The following ERC1 variants were observed in gnomAD, a reference collection of about 807,000 sequenced individuals.
ERC1 encodes ELKS/RAB6-interacting/CAST family member 1.
In ERC1, 56 loss-of-function variants were observed where a neutral mutation model predicts 132.0. The observed-to-expected ratio is 0.42, with a 90% CI of 0.34 to 0.53. The LOEUF is 0.53. Among genes scored for constraint, ERC1 ranks in the 20% least tolerant of loss-of-function variants. The pLI is 0.03. For missense variants in ERC1, 1,202 were observed against 1,349.9 expected (o/e 0.89, Z 1.72); for synonymous variants, 478 against 476.1 (o/e 1.00, Z -0.05).
intron 14 of ERC1, among the ~76,000 whole-genome samples, chr12:1,289,025 G>A (rs1203354829): frequency 7.8e-6 from 1 of 128,578 alleles, no homozygotes; most frequent in Non-Finnish European, 1.6e-5. Context: ...TGCTGTCAAG[G>A]CTTTTTTTTT....
chr12:1,414,205 C>G (rs1488291563), intron 17 of ERC1, among the ~76,000 whole-genome samples: 1 of 152,204 alleles, frequency 6.6e-6, no homozygotes, highest in South Asian at 2.1e-4. Context: ...GGGTTGGAGA[C>G]CCCTGGCTTA....
intron 16 of ERC1, among the ~76,000 whole-genome samples, chr12:1,375,661 G>C (rs116202408): frequency 6.6e-6 from 1 of 151,468 alleles, no homozygotes; most frequent in African/African-American, 2.4e-5. Context: ...CCTGTTCGTG[G>C]TCAGAACTGT....
At chr12:1,073,840 A>G (rs1413755090) in intron 2 of ERC1, among the ~76,000 whole-genome samples, 2 of 150,822 alleles carry the variant, frequency 1.3e-5, no homozygotes, top group Non-Finnish European at 3.0e-5. Flanking sequence ...TTACAACATT[A>G]TGATGGCTAT....
At chr12:1,452,536 A>G (rs1202011180) in intron 18 of ERC1, among the ~76,000 whole-genome samples, 3 of 151,998 alleles carry the variant, frequency 2.0e-5, no homozygotes, top group Non-Finnish European at 4.4e-5. Flanking sequence ...TCTTCTGCCC[A>G]CTTCTCTCTT....
chr12:1,444,520 T>C, intron 17 of ERC1, 42 bp from the exon 18 acceptor site: 1 of 1,433,776 alleles, frequency 7.0e-7, no homozygotes, highest in African/African-American at 1.4e-5. Context: ...TGACCTTGAC[T>C]TTCCTCATTT....
chr12:1,071,758 A>G (rs1335668600), intron 2 of ERC1, among the ~76,000 whole-genome samples: 3 of 152,196 alleles, frequency 2.0e-5, no homozygotes, highest in African/African-American at 7.2e-5. Flanking sequence ...TTAAAGTTTT[A>G]TCATTAGTAC....
At chr12:1,484,140 C>G (rs942125898) in intron 18 of ERC1, among the ~76,000 whole-genome samples, 8 of 151,692 alleles carry the variant, frequency 5.3e-5, no homozygotes, top group Admixed American at 1.3e-4. Context: ...CCCATCTCTA[C>G]TAAAAATACA....
intron 17 of ERC1, among the ~76,000 whole-genome samples, chr12:1,428,202 T>C (rs778689075): frequency 1.6e-4 from 24 of 152,228 alleles, no homozygotes; most frequent in Non-Finnish European, 2.6e-4. Context: ...AAAGTATCTT[T>C]GTACTTTGTA....
intron 15 of ERC1, among the ~76,000 whole-genome samples, chr12:1,360,122 C>G (rs993895086): frequency 6.6e-6 from 1 of 152,142 alleles, no homozygotes; most frequent in Admixed American, 6.5e-5. Flanking sequence ...AGAAGACATT[C>G]TGAGGCTTAT....
At chr12:1,318,500 A>C (rs550378434) in intron 15 of ERC1, among the ~76,000 whole-genome samples, 16 of 152,362 alleles carry the variant, frequency 1.1e-4, no homozygotes, top group Admixed American at 5.2e-4. Context: ...TACAGTGTGC[A>C]TTTTCTAATT....
intron 12 of ERC1, among the ~76,000 whole-genome samples, chr12:1,236,321 A>G (rs1004894421): frequency 6.6e-6 from 1 of 152,206 alleles, no homozygotes; most frequent in African/African-American, 2.4e-5. Flanking sequence ...TTTCATATAC[A>G]TCTACATTAT....
rs58984591 is a variant in ERC1 at position 1,493,546 on chromosome 12, A to ATATATATATATATATAT, written c.*3316_*3317insTATATATATATATATAT. On this transcript the variant is annotated 3_prime_UTR_variant, in exon 19 of 19. Coordinates refer to ENST00000360905, the MANE Select transcript of ERC1 (RefSeq NM_178040.4). ...AGACTCCATTTAAAAAAAAAAAAAA[A>ATATATATATATATATAT]AAATATATATATATATATATATATA... 3.0e-3 allele frequency: 71 copies of ATATATATATATATATAT among 23,968 alleles called. No homozygotes were observed. Among genetic ancestry groups the ATATATATATATATATAT allele is most frequent in the Non-Finnish European group, 4.2e-3 (52 of 12,308 alleles). 1.5% of individuals were successfully genotyped at this position (23,968 alleles called of 1,614,324 possible). A position where few individuals can be genotyped will look rare whatever the true frequency, so the allele number is the denominator to read the frequency against.
At chr12:1,438,954 A>ATAT (rs1555093208) in intron 17 of ERC1, among the ~76,000 whole-genome samples, 77 of 143,578 alleles carry the variant, frequency 5.4e-4, no homozygotes, top group Non-Finnish European at 8.4e-4. Context: ...TTTAAAAAAA[A>ATAT]ATATATATAT....
chr12:1,378,876 A>G (rs1226567147), intron 16 of ERC1, among the ~76,000 whole-genome samples: 3 of 152,198 alleles, frequency 2.0e-5, no homozygotes, highest in African/African-American at 7.2e-5. Flanking sequence ...AATAAATTGC[A>G]TAGTTAGGGT....
chr12:1,204,360 C>T, intron 12 of ERC1: 1 of 524,514 alleles, frequency 1.9e-6, no homozygotes. Flanking sequence ...TTTTTAGTGA[C>T]TGTATAGAAT....
At chr12:1,042,348 T>TTC (rs1565846257) in intron 2 of ERC1, among the ~76,000 whole-genome samples, 1 of 140,220 alleles carries the variant, frequency 7.1e-6, no homozygotes, top group East Asian at 2.1e-4. Flanking sequence ...GTTTTTTTTT[T>TTC]TTTTTTTTCT....
intron 2 of ERC1, among the ~76,000 whole-genome samples, chr12:1,078,434 T>A (rs1030964229): frequency 1.0e-4 from 4 of 39,778 alleles, no homozygotes; most frequent in African/African-American, 3.6e-4. Flanking sequence ...TTTAAATTCC[T>A]GATTTTTTTT....
intron 16 of ERC1, among the ~76,000 whole-genome samples, chr12:1,384,451 C>T (rs967179788): frequency 6.6e-6 from 1 of 152,198 alleles, no homozygotes; most frequent in African/African-American, 2.4e-5. Flanking sequence ...AATACTATTA[C>T]TGTCATGTAT....
At chr12:1,410,347 C>A in intron 17 of ERC1, 3 of 934,224 alleles carry the variant, frequency 3.2e-6, no homozygotes, top group Admixed American at 2.3e-5. Flanking sequence ...TCATTCCATG[C>A]TGCCCTGGGG....
Sources: allele counts gnomAD v4.1 joint callset (sites outside exome capture counted in the v4.1 genomes callset), GRCh38; gene constraint gnomAD v4.1.1; transcripts MANE v1.5; gene names NCBI Gene and HGNC (gene_info 2026-07-23, HGNC 2026-07-21).